Variants in CHRNA2 observed in about 807,000 individuals in gnomAD.
The protein encoded by CHRNA2 is cholinergic receptor nicotinic alpha 2 subunit.
In CHRNA2, 40 loss-of-function variants were observed where a neutral mutation model predicts 45.5. That is an observed-to-expected ratio of 0.88 (90% CI 0.68 to 1.15). The LOEUF (loss-of-function observed/expected upper bound fraction) is 1.15. Ranked by LOEUF, CHRNA2 falls within the 50% of genes most tolerant of loss-of-function variation. CHRNA2 has a pLI of 0.00. For synonymous variants in CHRNA2, 301 were observed against 296.7 expected, an observed-to-expected ratio of 1.01 and a Z score of -0.15; for missense variants, 655 against 701.7, an observed-to-expected ratio of 0.93 and a Z score of 0.75.
intron 1 of CHRNA2, among the ~76,000 whole-genome samples, chr8:27,471,635 T>A (rs1193861060): frequency 6.6e-6 from 1 of 152,220 alleles, no homozygotes; most frequent in Non-Finnish European, 1.5e-5. Context: ...CAACGGAACA[T>A]GATGCCACCA....
intron 1 of CHRNA2, among the ~76,000 whole-genome samples, chr8:27,474,714 A>AT (rs1480860108): frequency 1.3e-5 from 2 of 152,274 alleles, no homozygotes; most frequent in African/African-American, 4.8e-5. Context: ...ACCCTGCAGC[A>AT]TAACTGTCAA....
chr8:27,462,891 CTG>C, intron 6 of CHRNA2, 86 bp downstream of exon 6: 1 of 1,542,802 alleles, frequency 6.5e-7, no homozygotes, highest in African/African-American at 1.4e-5. Context: ...GGGGCCTGGG[CTG>C]CCCAAGCTCA....
intron 2 of CHRNA2, among the ~76,000 whole-genome samples, chr8:27,470,657 G>A (rs562933840): frequency 2.0e-4 from 31 of 152,348 alleles, no homozygotes; most frequent in South Asian, 8.3e-4. Flanking sequence ...GACAGAAAGC[G>A]CTGTGTCCCG....
Position 27,467,503 on chromosome 8 carries a change from G to A in CHRNA2, c.340-165C>T, listed in dbSNP as rs574300545. On this transcript the variant is annotated intron_variant, in intron 4 of 6. Transcript: ENST00000407991. Reference sequence around the variant, plus strand: ...TGGAGGGAGCTGCGGTGCTGGGAACGGGCTCTGAGCAAGTAACCAACCTTC... The same window carrying A: ...TGGAGGGAGCTGCGGTGCTGGGAACAGGCTCTGAGCAAGTAACCAACCTTC... The A allele has an allele frequency of 8.1e-4, 492 of 610,200 alleles. 5 individuals are homozygous for A. The Middle Eastern group carries it at 0.013, about 16-fold the overall frequency. 37.8% of individuals were successfully genotyped at this position (610,200 alleles called of 1,614,324 possible).
intron 1 of CHRNA2, among the ~76,000 whole-genome samples, chr8:27,474,851 C>A (rs180697308): frequency 3.9e-4 from 60 of 152,364 alleles, no homozygotes; most frequent in African/African-American, 1.4e-3. Context: ...TCAGGTGAAC[C>A]GCAGTGGCAA....
Position 27,463,253 on chromosome 8 carries a change from A to T in CHRNA2, c.1190T>A (p.Leu397His), listed in dbSNP as rs1346642868. Residue 397 changes from leucine (L) to histidine (H), a missense_variant, in exon 6 of 7, where the codon CTC becomes CAC. Physicochemically the swap from Leu to His is moderately conservative, Grantham distance 99. This residue lies in a region of CHRNA2 where 295 missense variants were observed against 280.4 expected (regional missense o/e 1.05). Coordinates refer to ENST00000407991, the MANE Select transcript of CHRNA2 (RefSeq NM_000742.4). The surrounding 1 kb of genome is among the most constrained non-coding windows in gnomAD (Gnocchi z 6.1). ...CTCCAGCCAGTGATAAGAGGGGCTG[A>T]GCTTCAGGCGTAGGGGGTGGCAGAG... ...VELCHPLRLKLSPSYHWLESN... is the reference protein window; with the variant it reads ...VELCHPLRLKHSPSYHWLESN... 1 of 1,599,204 alleles carries T rather than the reference A, an allele frequency of 6.3e-7. No homozygotes were observed. The highest frequency in any genetic ancestry group is 1.1e-5 in the South Asian group (1 of 89,242).
chr8:27,467,142 C>T (rs1812720032), intron 5 of CHRNA2, 87 bp downstream of exon 5: 9 of 972,134 alleles, frequency 9.3e-6, no homozygotes, highest in South Asian at 9.1e-5. Flanking sequence ...AGGAAGCTGA[C>T]ACCAGGGGGG....
intron 5 of CHRNA2, 106 bp from the exon 6 acceptor site, chr8:27,464,099 G>C: frequency 2.3e-6 from 3 of 1,284,278 alleles, no homozygotes; most frequent in Non-Finnish European, 3.3e-6. Context: ...AGTCAGACCC[G>C]GCCACACTGG....
Position 27,461,454 on chromosome 8 carries a change from A to G in CHRNA2, c.*175T>C, listed in dbSNP as rs1442223672. 2 of 884,114 alleles carry G rather than the reference A, an allele frequency of 2.3e-6. No individual in the cohort carries two copies. Among genetic ancestry groups the G allele is most frequent in the African/African-American group, 3.3e-5 (2 of 59,922 alleles). 54.8% of individuals were successfully genotyped at this position (884,114 alleles called of 1,614,324 possible). A position where few individuals can be genotyped will look rare whatever the true frequency, so the allele number is the denominator to read the frequency against. ...AGGGCTTTGCACCCAGCAGGCTGTC[A>G]GCCCTGGTACAATAACGTTAAGCTG... is the stretch of plus-strand genomic sequence containing the variant. On this transcript the variant is annotated 3_prime_UTR_variant, in exon 7 of 7. Coordinates refer to ENST00000407991, the MANE Select transcript of CHRNA2 (RefSeq NM_000742.4).
chr8:27,471,041 A>C lies in CHRNA2; in HGVS notation c.18T>G (p.Pro6=). 1 of 1,614,116 alleles carries C rather than the reference A, an allele frequency of 6.2e-7. No individual in the cohort carries two copies. The highest frequency in any genetic ancestry group is 1.1e-5 in the South Asian group (1 of 91,078). MGPSC[P]VFLSFTKLSL... Reference sequence around the variant, plus strand: ...TGAGCTTTGTGAAGGACAGGAACACAGGACAGGAGGGGCCCATGGCTTCTC... The same window carrying C: ...TGAGCTTTGTGAAGGACAGGAACACCGGACAGGAGGGGCCCATGGCTTCTC... The change falls in exon 2 of 7, where the codon CCT becomes CCG. Residue 6 remains proline, a synonymous_variant. Coordinates refer to ENST00000407991, the MANE Select transcript of CHRNA2 (RefSeq NM_000742.4).
In CHRNA2 at chr8:27,463,149, A is replaced by G; in HGVS notation, c.1294T>C (p.Ser432Pro). The change falls in exon 6 of 7, where the codon TCT (serine) becomes CCT (proline). Residue 432 changes from serine to proline, a missense_variant. Around this residue, in one of 3 missense-constraint regions of CHRNA2, gnomAD observed 295 missense variants for 280.4 expected, o/e 1.05. Transcript: ENST00000407991. This position sits in a 1 kb window ranked among gnomAD's most constrained non-coding sequence, Gnocchi z 6.1. ...CCGTGGCTGCAGAGGGTGCCCACAG[A>G]GGGGGCCACATGACCTGCACATGCC... is the stretch of plus-strand genomic sequence containing the variant. ...RWACAGHVAP[S>P]VGTLCSHGHL... The G allele has an allele frequency of 6.2e-7, 1 of 1,602,598 alleles. No homozygotes were observed. Among genetic ancestry groups the G allele is most frequent in the Non-Finnish European group, 8.5e-7 (1 of 1,171,086 alleles).
At chr8:27,469,510 T>G in intron 3 of CHRNA2, 131 bp from the exon 4 acceptor site, 1 of 1,006,142 alleles carries the variant, frequency 9.9e-7, no homozygotes, top group Non-Finnish European at 1.5e-6. Flanking sequence ...CCACCCACTC[T>G]GAAACCTGCC....
At chr8:27,469,450 T>C (rs1481305218) in intron 3 of CHRNA2, 71 bp from the exon 4 acceptor site, 2 of 1,490,076 alleles carry the variant, frequency 1.3e-6, no homozygotes, top group Non-Finnish European at 1.8e-6. Context: ...TGGAGTGGGA[T>C]GGGCTGTTTT....
chr8:27,465,490 G>A (rs1017875316), intron 5 of CHRNA2, among the ~76,000 whole-genome samples: 4 of 152,062 alleles, frequency 2.6e-5, no homozygotes, highest in African/African-American at 9.7e-5. Flanking sequence ...GGAGTGCAGG[G>A]GTGTGATCTC....
At chr8:27,472,729 T>C (rs1277620130) in intron 1 of CHRNA2, among the ~76,000 whole-genome samples, 1 of 152,204 alleles carries the variant, frequency 6.6e-6, no homozygotes, top group African/African-American at 2.4e-5. Context: ...AACTAGACGG[T>C]GTGATGTTAC....
chr8:27,470,037 A>T, intron 2 of CHRNA2, 56 bp from the exon 3 acceptor site: 1 of 1,478,104 alleles, frequency 6.8e-7, no homozygotes, highest in South Asian at 1.2e-5. Flanking sequence ...CTCATCTGTA[A>T]AATGGAGATG....
At chr8:27,477,848 A>G (rs1290021379) in intron 1 of CHRNA2, among the ~76,000 whole-genome samples, 4 of 152,110 alleles carry the variant, frequency 2.6e-5, no homozygotes, top group African/African-American at 9.7e-5. Flanking sequence ...TTGCATACGT[A>G]AAGTGCTCGG....
At position 27,469,358 on chromosome 8, in the gene CHRNA2, T is replaced by C; in HGVS notation, c.316A>G (p.Thr106Ala). ...ACCTGTTTTAGCCAGACGTTGGTGGTCATCATTTGGTTCTTCTCATCCTGG... is the reference window on the plus strand; with the variant it reads ...ACCTGTTTTAGCCAGACGTTGGTGGCCATCATTTGGTTCTTCTCATCCTGG... ...IDVDEKNQMM[T>A]TNVWLKQEWS... Residue 106 changes from threonine (T) to alanine (A), a missense_variant, in exon 4 of 7, where the codon ACC (threonine) becomes GCC (alanine). Thr to Ala is a moderately conservative substitution (Grantham distance 58, BLOSUM62 0). This residue lies in a region of CHRNA2 where 323 missense variants were observed against 354.4 expected (regional missense o/e 0.91). Coordinates refer to ENST00000407991, the MANE Select transcript of CHRNA2 (RefSeq NM_000742.4). 1 of 1,556,890 alleles carries C rather than the reference T, an allele frequency of 6.4e-7. No individual in the cohort carries two copies. Among genetic ancestry groups the C allele is most frequent in the East Asian group, 2.4e-5 (1 of 41,390 alleles).
intron 1 of CHRNA2, among the ~76,000 whole-genome samples, chr8:27,478,238 T>A (rs1283055507): frequency 6.6e-6 from 1 of 152,200 alleles, no homozygotes; most frequent in Non-Finnish European, 1.5e-5. Context: ...TCCAAATAAA[T>A]GCACTCAAGG....
Sources: gnomAD v4.1 joint callset for allele counts (sites outside exome capture counted in the v4.1 genomes callset) on GRCh38, gnomAD v4.1.1 for gene constraint, gnomAD v4.1.1 regional missense constraint, Gnocchi (gnomAD v3.1) non-coding constraint, MANE v1.5 for transcripts, NCBI Gene and HGNC (gene_info 2026-07-23, HGNC 2026-07-21) for gene names.